Variants in PCDHGB7 observed in about 807,000 individuals in gnomAD.
PCDHGB7 encodes protocadherin gamma-B7.
Under a neutral mutation model 61.4 loss-of-function variants are expected in PCDHGB7, and 37 were observed. That is an observed-to-expected ratio of 0.60 (90% confidence interval 0.46 to 0.79). The LOEUF is 0.79. PCDHGB7 is among the 30% of genes least tolerant of loss of function. The pLI is 0.00. For missense variants in PCDHGB7, 1,166 were observed against 1,202.5 expected (o/e 0.97, Z 0.45); for synonymous variants, 464 against 503.5 (o/e 0.92, Z 1.05).
rs747268184 is a variant in PCDHGB7, at chr5:141,489,769, C to A, written c.2416-5038C>A. On this transcript the variant is annotated intron_variant, in intron 1 of 3. Coordinates refer to ENST00000398594, the MANE Select transcript of PCDHGB7 (RefSeq NM_018927.4). This position sits in a 1 kb window ranked among gnomAD's most constrained non-coding sequence, Gnocchi z 4.5. ...CTTTTACACTCTAAGCCCCAACAGC[C>A]ACTTCTCTCTGAATGTGAAGACCCT... The A allele has an allele frequency of 6.2e-7, 1 of 1,614,156 alleles. No individual in the cohort carries two copies. The highest frequency in any genetic ancestry group is 1.1e-5 in the South Asian group (1 of 91,080).
At chr5:141,467,050 G>T (rs6580189) in intron 1 of PCDHGB7, among the ~76,000 whole-genome samples, 42,616 of 146,752 alleles carry the variant, frequency 0.29, 6,868 homozygotes, top group African/African-American at 0.45. Flanking sequence ...ATGAATCAAT[G>T]TTTTCTTTTT....
intron 1 of PCDHGB7, chr5:141,421,807 G>C (rs1435916603): frequency 6.2e-7 from 1 of 1,613,852 alleles, no homozygotes; most frequent in Admixed American, 1.7e-5. Flanking sequence ...CAAGAATCCA[G>C]AGCTAGTACT....
At chr5:141,488,660 G>A (rs1274725688) in intron 1 of PCDHGB7, among the ~76,000 whole-genome samples, 1 of 152,148 alleles carries the variant, frequency 6.6e-6, no homozygotes, top group East Asian at 1.9e-4. Flanking sequence ...GGGAGGGTGG[G>A]GGAATACATG....
At position 141,486,530 on chromosome 5, in the gene PCDHGB7, C is replaced by T; in HGVS notation, c.2416-8277C>T. 6.2e-7 allele frequency: 1 copy of T among 1,614,174 alleles called. No homozygotes were observed. The highest frequency in any genetic ancestry group is 8.5e-7 in the Non-Finnish European group (1 of 1,180,022). On this transcript the variant is annotated intron_variant, in intron 1 of 3. Transcript: ENST00000398594. The surrounding 1 kb of genome is among the most constrained non-coding windows in gnomAD (Gnocchi z 5.0). Reference sequence around the variant, plus strand: ...TATTTCAGATGTGAATGATAATCCACCCTCTTTCTTTCAGAGGTCACATGA... The same window carrying T: ...TATTTCAGATGTGAATGATAATCCATCCTCTTTCTTTCAGAGGTCACATGA...
Position 141,418,316 on chromosome 5 carries a change from A to G in PCDHGB7, c.457A>G (p.Ile153Val). The G allele has an allele frequency of 6.2e-7, 1 of 1,614,026 alleles. No homozygotes were observed. The highest frequency in any genetic ancestry group is 8.5e-7 in the Non-Finnish European group (1 of 1,179,896). ...ATCCGTCAGCCTGGGGATGGGAACAATTCTTGAGTCTGCAGAAGATCCTGA... is the reference window on the plus strand; with the variant it reads ...ATCCGTCAGCCTGGGGATGGGAACAGTTCTTGAGTCTGCAGAAGATCCTGA... Reference protein sequence around the residue: ...SESVSLGMGTILESAEDPDIS... With the variant: ...SESVSLGMGTVLESAEDPDIS... The change falls in exon 1 of 4, where the codon ATT becomes GTT. Residue 153 changes from isoleucine (I) to valine (V), a missense_variant. Coordinates refer to ENST00000398594, the MANE Select transcript of PCDHGB7 (RefSeq NM_018927.4).
In PCDHGB7 at chr5:141,432,512, G is replaced by A. The variant is rs751785850; in HGVS notation, c.2415+12238G>A. ...GCTGGCTCCCCGCTCCGCAGAGCCC[G>A]GCTACCTGGTGACCAAGGTGGTGGC... On this transcript the variant is annotated intron_variant, in intron 1 of 3. Transcript: ENST00000398594. The surrounding 1 kb of genome is among the most constrained non-coding windows in gnomAD (Gnocchi z 6.0). 3 of 1,614,108 alleles carry A rather than the reference G, an allele frequency of 1.9e-6. No homozygotes were observed. Among genetic ancestry groups the A allele is most frequent in the Non-Finnish European group, 2.5e-6 (3 of 1,180,030 alleles).
intron 1 of PCDHGB7, among the ~76,000 whole-genome samples, chr5:141,437,360 G>T (rs1432098876): frequency 6.6e-6 from 1 of 152,144 alleles, no homozygotes; most frequent in Non-Finnish European, 1.5e-5. Context: ...ACCTAAAATT[G>T]GAATGTAATC....
chr5:141,491,800 C>T lies in PCDHGB7; in HGVS notation c.2416-3007C>T. The T allele has an allele frequency of 6.7e-7, 1 of 1,500,854 alleles. No individual in the cohort carries two copies. Among genetic ancestry groups the T allele is most frequent in the Non-Finnish European group, 8.9e-7 (1 of 1,125,316 alleles). 93.0% of individuals were successfully genotyped at this position (1,500,854 alleles called of 1,614,324 possible). A position where few individuals can be genotyped will look rare whatever the true frequency, so the allele number is the denominator to read the frequency against. Reference sequence around the variant, plus strand: ...GAACTTGCATCCACTCCTCTCCGGCCGGCTTGGTCGCTGGCTGCGCTCCAC... The same window carrying T: ...GAACTTGCATCCACTCCTCTCCGGCTGGCTTGGTCGCTGGCTGCGCTCCAC... On this transcript the variant is annotated intron_variant, in intron 1 of 3. Transcript: ENST00000398594. The surrounding 1 kb of genome is among the most constrained non-coding windows in gnomAD (Gnocchi z 6.9).
In PCDHGB7 at chr5:141,490,378, G is replaced by A; in HGVS notation, c.2416-4429G>A. On this transcript the variant is annotated intron_variant, in intron 1 of 3. Transcript: ENST00000398594. The surrounding 1 kb of genome is among the most constrained non-coding windows in gnomAD (Gnocchi z 5.4). The stretch of plus-strand genomic sequence containing the variant: ...GTTTAATGTGCGAGACCGGGACTCA[G>A]GTAGAAATGGTGAAGTGAGCCTTGA... 1 of 1,614,214 alleles carries A rather than the reference G, an allele frequency of 6.2e-7. No homozygotes were observed. The highest frequency in any genetic ancestry group is 1.1e-5 in the South Asian group (1 of 91,086).
At position 141,419,557 on chromosome 5, in the gene PCDHGB7, G is replaced by T; in HGVS notation, c.1698G>T (p.Ala566=). The T allele has an allele frequency of 2.5e-6, 4 of 1,611,872 alleles. No individual in the cohort carries two copies. The highest frequency in any genetic ancestry group is 1.7e-4 in the Middle Eastern group (1 of 5,858). Residue 566 remains alanine (A), a synonymous_variant, in exon 1 of 4, where the codon GCG becomes GCT. Coordinates refer to ENST00000398594, the MANE Select transcript of PCDHGB7 (RefSeq NM_018927.4). ...NDNAPRVLYP[A]LGPDGSALFD... Reference sequence around the variant, plus strand: ...ACGCACCGCGGGTGCTGTACCCTGCGCTGGGTCCCGACGGCTCCGCGCTCT... The same window carrying T: ...ACGCACCGCGGGTGCTGTACCCTGCTCTGGGTCCCGACGGCTCCGCGCTCT...
chr5:141,426,451 C>T (rs561567196), intron 1 of PCDHGB7: 1 of 308,946 alleles, frequency 3.2e-6, no homozygotes, highest in Non-Finnish European at 6.4e-6. Flanking sequence ...GGACATGCGG[C>T]TGCATGTTCA....
At chr5:141,421,985 C>A (rs762388624) in intron 1 of PCDHGB7, 1 of 1,608,432 alleles carries the variant, frequency 6.2e-7, no homozygotes, top group East Asian at 2.2e-5. Flanking sequence ...GTGAGTGTTC[C>A]AGAAAACATC....
chr5:141,485,070 G>A lies in PCDHGB7; in HGVS notation c.2416-9737G>A. On this transcript the variant is annotated intron_variant, in intron 1 of 3. Coordinates refer to ENST00000398594, the MANE Select transcript of PCDHGB7 (RefSeq NM_018927.4). The surrounding 1 kb of genome is among the most constrained non-coding windows in gnomAD (Gnocchi z 5.7). ...CGCCGGCCGAACCGCGCCAGAGCTG[G>A]CGCGGGGAAAGGGAGATAGGTGTCT... is the stretch of plus-strand genomic sequence containing the variant. The A allele has an allele frequency of 1.1e-6, 1 of 908,406 alleles. No individual in the cohort carries two copies. Among genetic ancestry groups the A allele is most frequent in the Non-Finnish European group, 1.7e-6 (1 of 580,008 alleles). 56.3% of individuals were successfully genotyped at this position (908,406 alleles called of 1,614,324 possible). A position where few individuals can be genotyped will look rare whatever the true frequency, so the allele number is the denominator to read the frequency against.
chr5:141,485,805 T>C lies in PCDHGB7; in HGVS notation c.2416-9002T>C, dbSNP rs753916789. ...GAGAAGCAATCGGACTACCGCCTGG[T>C]GCTGACTGCTGTCGATGGAGGGAAC... On this transcript the variant is annotated intron_variant, in intron 1 of 3. Coordinates refer to ENST00000398594, the MANE Select transcript of PCDHGB7 (RefSeq NM_018927.4). The surrounding 1 kb of genome is among the most constrained non-coding windows in gnomAD (Gnocchi z 5.7). 1.2e-6 allele frequency: 2 copies of C among 1,614,198 alleles called. No individual in the cohort carries two copies. The highest frequency in any genetic ancestry group is 1.7e-6 in the Non-Finnish European group (2 of 1,180,026).
rs771088007 is a variant in PCDHGB7, at chr5:141,423,000, G to A, written c.2415+2726G>A. On this transcript the variant is annotated intron_variant, in intron 1 of 3. Transcript: ENST00000398594. ...CGGAACCTGGCTACCTGGTGACCAA[G>A]GTGGTTGCGGTGGACAAAGATTCAG... The A allele has an allele frequency of 9.3e-6, 15 of 1,614,116 alleles. No homozygotes were observed. The African/African-American group carries it at 1.9e-4, about 20-fold the overall frequency.
rs955615446 is a variant in PCDHGB7 at position 141,420,343 on chromosome 5, ATTATT to A, written c.2415+73_2415+77del. Reference sequence around the variant, plus strand: ...TGCCAATATATTCCAATATAGTGGTATTATTTTAAGATTCTAGATAACTTCTTCAT... The same window carrying A: ...TGCCAATATATTCCAATATAGTGGTATTAAGATTCTAGATAACTTCTTCAT... On this transcript the variant is annotated intron_variant, in intron 1 of 3. Transcript: ENST00000398594. 8 of 1,394,426 alleles carry A rather than the reference ATTATT, an allele frequency of 5.7e-6. No homozygotes were observed. In the African/African-American group the frequency reaches 1.2e-4, roughly 20 times the overall value. 86.4% of individuals were successfully genotyped at this position (1,394,426 alleles called of 1,614,324 possible).
Position 141,477,898 on chromosome 5 carries a change from A to G in PCDHGB7, c.2416-16909A>G. 1 of 1,614,158 alleles carries G rather than the reference A, an allele frequency of 6.2e-7. No homozygotes were observed. Among genetic ancestry groups the G allele is most frequent in the Middle Eastern group, 1.6e-4 (1 of 6,062 alleles). ...CTGGCCACCTAGTGTCACGGGTGGTAGGCTGGGACGCGGATGCAGGGCACA... is the reference window on the plus strand; with the variant it reads ...CTGGCCACCTAGTGTCACGGGTGGTGGGCTGGGACGCGGATGCAGGGCACA... On this transcript the variant is annotated intron_variant, in intron 1 of 3. Coordinates refer to ENST00000398594, the MANE Select transcript of PCDHGB7 (RefSeq NM_018927.4). This position sits in a 1 kb window ranked among gnomAD's most constrained non-coding sequence, Gnocchi z 4.9.
At chr5:141,471,444 A>G (rs1366430114) in intron 1 of PCDHGB7, 1 of 152,150 alleles carries the variant, frequency 6.6e-6, no homozygotes, top group Non-Finnish European at 1.5e-5. Context: ...AATCTCATGT[A>G]CCTTTTGAAA....
chr5:141,476,642 C>T lies in PCDHGB7; in HGVS notation c.2416-18165C>T. On this transcript the variant is annotated intron_variant, in intron 1 of 3. Transcript: ENST00000398594. This position sits in a 1 kb window ranked among gnomAD's most constrained non-coding sequence, Gnocchi z 7.6. The stretch of plus-strand genomic sequence containing the variant: ...CTCTTTACAAACCTATGAGCTGAGC[C>T]GAAATGAATACTTTGCGCTTCGCGT... The T allele has an allele frequency of 1.9e-6, 3 of 1,614,240 alleles. No individual in the cohort carries two copies. The highest frequency in any genetic ancestry group is 2.5e-6 in the Non-Finnish European group (3 of 1,180,050).
Sources: allele counts gnomAD v4.1 joint callset (sites outside exome capture counted in the v4.1 genomes callset), GRCh38; gene constraint gnomAD v4.1.1; non-coding constraint Gnocchi (gnomAD v3.1); transcripts MANE v1.5; gene names NCBI Gene and HGNC (gene_info 2026-07-23, HGNC 2026-07-21).